The following ELMO1 variants were observed in gnomAD, a reference collection of about 807,000 sequenced individuals.
ELMO1 encodes engulfment and cell motility protein 1.
Under a neutral mutation model 98.9 loss-of-function variants are expected in ELMO1, and 26 were observed. The ratio of observed to expected loss-of-function variants is 0.26; its 90% CI spans 0.19 to 0.36. ELMO1 has a LOEUF of 0.36. Among genes scored for constraint, ELMO1 ranks in the 10% least tolerant of loss-of-function variants. The pLI, the probability that ELMO1 is intolerant of heterozygous loss-of-function variation, is 1.00. For synonymous variants in ELMO1, 346 were observed against 346.0 expected (o/e 1.00, Z 0.00); for missense variants, 627 against 935.2 (o/e 0.67, Z 4.30).
rs1032607539 is a variant in ELMO1, at chr7:37,169,502, T to A, written c.1087-36268A>T. On this transcript the variant is annotated intron_variant, in intron 13 of 21. Transcript: ENST00000310758. ...ATCTTGGCTCCTCCCTGGGAAAAAA[T>A]TTTTTTAACCTGCCACTTCAAATGT... Among the ~76,000 whole-genome samples, 7 of 152,240 alleles carry A rather than the reference T, an allele frequency of 4.6e-5. No homozygotes were observed. In the East Asian group the frequency reaches 1.2e-3, roughly 25 times the overall value.
At chr7:37,360,471 A>C (rs1362213983) in intron 1 of ELMO1, among the ~76,000 whole-genome samples, 4 of 152,120 alleles carry the variant, frequency 2.6e-5, no homozygotes, top group Admixed American at 6.5e-5. Flanking sequence ...ACATCTACAT[A>C]AAGTTTTTCC....
At chr7:37,431,911 C>T (rs1040024784) in intron 1 of ELMO1, among the ~76,000 whole-genome samples, 5 of 152,070 alleles carry the variant, frequency 3.3e-5, no homozygotes, top group South Asian at 2.1e-4. Flanking sequence ...CATGGAGTTT[C>T]GCTCTTGTTG....
At chr7:37,142,324 T>C (rs80136547) in intron 13 of ELMO1, among the ~76,000 whole-genome samples, 3,521 of 152,354 alleles carry the variant, frequency 0.023, 145 homozygotes, top group African/African-American at 0.081. Context: ...TGGATTCTCA[T>C]GAACACAAGT....
chr7:37,447,326 G>C (rs1805660307), intron 1 of ELMO1, among the ~76,000 whole-genome samples: 1 of 152,124 alleles, frequency 6.6e-6, no homozygotes, highest in African/African-American at 2.4e-5. Context: ...GCCTCAACCC[G>C]TCTTAGATTA....
chr7:36,899,960 A>C (rs1806367713), intron 16 of ELMO1, among the ~76,000 whole-genome samples: 1 of 152,166 alleles, frequency 6.6e-6, no homozygotes, highest in Admixed American at 6.5e-5. Flanking sequence ...GTTCTGTTAC[A>C]ATCCCAGAAG....
chr7:37,411,695 A>G (rs954532610), intron 1 of ELMO1, among the ~76,000 whole-genome samples: 1 of 152,236 alleles, frequency 6.6e-6, no homozygotes, highest in African/African-American at 2.4e-5. Flanking sequence ...TAATATTCAT[A>G]TGACTAATGA....
intron 13 of ELMO1, chr7:37,204,077 A>C: frequency 2.2e-6 from 1 of 456,310 alleles, no homozygotes; most frequent in South Asian, 1.5e-5. Flanking sequence ...ATAGGACAGA[A>C]TAGCAAGCAA....
chr7:37,395,705 A>G (rs573536074), intron 1 of ELMO1, among the ~76,000 whole-genome samples: 110 of 152,292 alleles, frequency 7.2e-4, no homozygotes, highest in African/African-American at 2.5e-3. Context: ...CTCTCTCAAC[A>G]TCTTGTTTGT....
intron 1 of ELMO1, among the ~76,000 whole-genome samples, chr7:37,385,676 C>T (rs1285388460): frequency 6.6e-6 from 1 of 152,226 alleles, no homozygotes; most frequent in Admixed American, 6.5e-5. Flanking sequence ...CCCACTGTAT[C>T]CCGTGTCTAG....
At chr7:37,180,196 C>A (rs1171027092) in intron 13 of ELMO1, among the ~76,000 whole-genome samples, 1 of 152,124 alleles carries the variant, frequency 6.6e-6, no homozygotes, top group African/African-American at 2.4e-5. Flanking sequence ...AGGAAACTGA[C>A]CCTCATATCA....
chr7:37,213,449 G>T lies in ELMO1; in HGVS notation c.840C>A (p.Ile280=), dbSNP rs888621763. ...CATTGTTGATGGCCCGCTGGGCTCG[G>T]ATGACATGCTAGGGAGATGGTTCAC... ...QLRSIILTHV[I]RAQRAINNEM... is the part of the protein sequence containing the mutation. The change falls in exon 12 of 22, where the codon ATC becomes ATA. Residue 280 remains isoleucine (I), a synonymous_variant. Coordinates refer to ENST00000310758, the MANE Select transcript of ELMO1 (RefSeq NM_014800.11). 2.5e-6 allele frequency: 4 copies of T among 1,611,468 alleles called. No individual in the cohort carries two copies. The highest frequency in any genetic ancestry group is 2.7e-5 in the African/African-American group (2 of 74,816).
At chr7:36,932,981 C>T (rs1786171423) in intron 16 of ELMO1, among the ~76,000 whole-genome samples, 1 of 152,150 alleles carries the variant, frequency 6.6e-6, no homozygotes, top group South Asian at 2.1e-4. Flanking sequence ...GCAGCCAGGG[C>T]TCAGAGATCG....
chr7:37,064,002 C>T (rs961968734), intron 15 of ELMO1, among the ~76,000 whole-genome samples: 1 of 152,082 alleles, frequency 6.6e-6, no homozygotes, highest in Non-Finnish European at 1.5e-5. Context: ...ATCCTTGGGT[C>T]GTCTGCCGTA....
intron 16 of ELMO1, among the ~76,000 whole-genome samples, chr7:36,909,533 C>A (rs1784200596): frequency 6.6e-6 from 1 of 152,214 alleles, no homozygotes. Flanking sequence ...GGGACATGCG[C>A]CATTGAACAT....
chr7:37,399,082 C>T (rs10237674), intron 1 of ELMO1, among the ~76,000 whole-genome samples: 2 of 152,180 alleles, frequency 1.3e-5, no homozygotes, highest in African/African-American at 4.8e-5. Context: ...TGAGTCTCTG[C>T]CTTCCCATCC....
At chr7:37,049,453 C>T (rs905777608) in intron 15 of ELMO1, among the ~76,000 whole-genome samples, 13 of 152,180 alleles carry the variant, frequency 8.5e-5, no homozygotes, top group African/African-American at 3.1e-4. Flanking sequence ...CAGCTTTTCC[C>T]TTCCAAAGGA....
chr7:36,879,756 C>G, intron 18 of ELMO1, among the ~76,000 whole-genome samples: 1 of 152,118 alleles, frequency 6.6e-6, no homozygotes, highest in Non-Finnish European at 1.5e-5. Flanking sequence ...GGAAAAGGGT[C>G]ATTTAACAGC....
intron 15 of ELMO1, among the ~76,000 whole-genome samples, chr7:37,026,488 T>C (rs1185238052): frequency 6.6e-6 from 1 of 152,158 alleles, no homozygotes; most frequent in Non-Finnish European, 1.5e-5. Flanking sequence ...CAAAAGTCAT[T>C]ACCTTGTAGT....
chr7:36,918,911 T>A (rs73106657), intron 16 of ELMO1, among the ~76,000 whole-genome samples: 1 of 151,792 alleles, frequency 6.6e-6, no homozygotes, highest in African/African-American at 2.4e-5. Flanking sequence ...AGGAAAAATA[T>A]TTTTTTTCTT....
Sources: allele counts gnomAD v4.1 joint callset (sites outside exome capture counted in the v4.1 genomes callset), GRCh38; gene constraint gnomAD v4.1.1; transcripts MANE v1.5; gene names NCBI Gene and HGNC (gene_info 2026-07-23, HGNC 2026-07-21).